UFD1: variants seen among roughly 807,000 people sequenced by gnomAD.
The protein encoded by UFD1 is ubiquitin recognition factor in ER associated degradation 1.
UFD1 carries 13 observed loss-of-function variants against 45.9 expected under a neutral mutation model. That is an observed-to-expected ratio of 0.28 (90% confidence interval 0.18 to 0.45). UFD1 has a LOEUF of 0.45. Ranked by LOEUF, UFD1 falls within the 20% of genes least tolerant of loss-of-function variation. The pLI is 1.00. For synonymous variants in UFD1, 128 were observed against 139.2 expected (o/e 0.92, Z 0.56); for missense variants, 218 against 389.2 (o/e 0.56, Z 3.70).
chr22:19,451,621 A>G, intron 11 of UFD1: 2 of 985,410 alleles, frequency 2.0e-6, no homozygotes, highest in Non-Finnish European at 2.4e-6. Context: ...AATGTTCAAC[A>G]CACATCCCTG....
intron 11 of UFD1, chr22:19,452,104 A>G (rs1442672102): frequency 4.1e-6 from 1 of 245,826 alleles, no homozygotes; most frequent in Admixed American, 6.5e-5. Flanking sequence ...GGGCTGCCAT[A>G]TAAAATGCCA....
chr22:19,454,599 T>C (rs560075083), intron 11 of UFD1, 150 bp downstream of exon 11: 153 of 1,479,784 alleles, frequency 1.0e-4, no homozygotes, highest in Non-Finnish European at 1.3e-4. Context: ...CCTCTTTCTT[T>C]TGTAAATTGC....
chr22:19,456,672 G>A (rs140406174), intron 8 of UFD1, 38 bp from the exon 9 acceptor site: 39 of 1,614,110 alleles, frequency 2.4e-5, no homozygotes, highest in Non-Finnish European at 3.3e-5. Flanking sequence ...GCTCCTCAGC[G>A]GGGACACCCA....
chr22:19,478,377 CAG>C (rs1366399687), intron 1 of UFD1, among the ~76,000 whole-genome samples: 4 of 152,176 alleles, frequency 2.6e-5, no homozygotes, highest in Non-Finnish European at 5.9e-5. Context: ...GCTTTGCAGC[CAG>C]ACAGACTTGG....
At chr22:19,469,718 C>A (rs1040276381) in intron 4 of UFD1, among the ~76,000 whole-genome samples, 1 of 152,172 alleles carries the variant, frequency 6.6e-6, no homozygotes, top group African/African-American at 2.4e-5. Context: ...GGCTCACATG[C>A]CCTCCAAGAC....
intron 1 of UFD1, among the ~76,000 whole-genome samples, chr22:19,476,654 T>C (rs974646704): frequency 3.4e-5 from 5 of 146,332 alleles, no homozygotes. Context: ...CTGAAATCTA[T>C]ACATACTATG....
intron 3 of UFD1, among the ~76,000 whole-genome samples, chr22:19,474,077 T>C (rs1193630638): frequency 1.3e-5 from 2 of 152,086 alleles, no homozygotes; most frequent in Non-Finnish European, 2.9e-5. Context: ...GTTGCTCTCA[T>C]GGGATAAGGG....
At position 19,465,245 on chromosome 22, in the gene UFD1, C is replaced by G; in HGVS notation, c.452G>C (p.Cys151Ser). The change falls in exon 6 of 12, where the codon TGT becomes TCT. Residue 151 changes from cysteine (C) to serine (S), a missense_variant. Transcript: ENST00000263202. Reference sequence around the variant, plus strand: ...GGCAATCACATCCCCGGTGGTCAGACAGGCAAAGTTCCTAAGTGCGTTTTC... The same window carrying G: ...GGCAATCACATCCCCGGTGGTCAGAGAGGCAAAGTTCCTAAGTGCGTTTTC... ...VLENALRNFA[C>S]LTTGDVIAIN... 6.2e-7 allele frequency: 1 copy of G among 1,614,132 alleles called. No individual in the cohort carries two copies. Among genetic ancestry groups the G allele is most frequent in the South Asian group, 1.1e-5 (1 of 91,076 alleles).
chr22:19,467,081 T>A (rs967152551), intron 5 of UFD1: 1 of 151,686 alleles, frequency 6.6e-6, no homozygotes, highest in African/African-American at 2.4e-5. Context: ...GCCTTGCTCC[T>A]AAGAAAACAT....
At chr22:19,450,813 G>T in intron 11 of UFD1, 69 bp from the exon 12 acceptor site, 2 of 1,611,476 alleles carry the variant, frequency 1.2e-6, no homozygotes, top group South Asian at 2.2e-5. Context: ...CTTACTCTAT[G>T]GACTCACGTA....
At chr22:19,463,507 G>T (rs995765372) in intron 6 of UFD1, among the ~76,000 whole-genome samples, 2 of 152,044 alleles carry the variant, frequency 1.3e-5, no homozygotes, top group African/African-American at 4.8e-5. Context: ...CTCTGCTTTG[G>T]TGTAGTTTAA....
chr22:19,475,349 C>A, intron 2 of UFD1, 121 bp downstream of exon 2: 1 of 1,453,488 alleles, frequency 6.9e-7, no homozygotes, highest in Middle Eastern at 2.5e-4. Flanking sequence ...TAAATCCCAG[C>A]ACCATTTTCA....
intron 11 of UFD1, 43 bp from the exon 12 acceptor site, chr22:19,450,787 G>C (rs1302906448): frequency 1.8e-5 from 29 of 1,613,532 alleles, no homozygotes; most frequent in Non-Finnish European, 2.4e-5. Context: ...ACTCCCTGGA[G>C]GTTTACAATA....
intron 9 of UFD1, 114 bp from the exon 10 acceptor site, chr22:19,455,882 G>T: frequency 1.1e-6 from 1 of 933,534 alleles, no homozygotes; most frequent in Non-Finnish European, 1.7e-6. Context: ...ACCCCTTCAG[G>T]ACTGAAGCCC....
At chr22:19,454,668 C>T in intron 11 of UFD1, 81 bp downstream of exon 11, 1 of 1,605,156 alleles carries the variant, frequency 6.2e-7, no homozygotes. Flanking sequence ...CACCCCTACT[C>T]AGAATGCCAA....
At chr22:19,453,291 C>T (rs1278271368) in intron 11 of UFD1, 3 of 985,504 alleles carry the variant, frequency 3.0e-6, no homozygotes, top group East Asian at 2.3e-4. Context: ...CTTCCAAAGC[C>T]TTGTAGTTGC....
At chr22:19,470,414 G>A (rs2089835481) in intron 4 of UFD1, among the ~76,000 whole-genome samples, 1 of 152,034 alleles carries the variant, frequency 6.6e-6, no homozygotes, top group African/African-American at 2.4e-5. Context: ...CAGCAGGAAA[G>A]AGACCTTCAG....
At chr22:19,458,576 TG>T (rs2089741563) in intron 6 of UFD1, among the ~76,000 whole-genome samples, 1 of 152,194 alleles carries the variant, frequency 6.6e-6, no homozygotes, top group Non-Finnish European at 1.5e-5. Context: ...CCCTAGTAGC[TG>T]GGACTATAGG....
intron 3 of UFD1, among the ~76,000 whole-genome samples, chr22:19,473,672 C>T (rs892699010): frequency 1.3e-5 from 2 of 152,232 alleles, no homozygotes; most frequent in African/African-American, 2.4e-5. Context: ...GGCTCAGGGG[C>T]TACCTCCACC....
Sources: allele counts gnomAD v4.1 joint callset (sites outside exome capture counted in the v4.1 genomes callset), GRCh38; gene constraint gnomAD v4.1.1; transcripts MANE v1.5; gene names NCBI Gene and HGNC (gene_info 2026-07-23, HGNC 2026-07-21).